Variants in TBX15 observed in about 807,000 individuals in gnomAD.
TBX15 encodes T-box transcription factor TBX15.
TBX15 carries 18 observed loss-of-function variants against 53.9 expected under a neutral mutation model. The ratio of observed to expected loss-of-function variants is 0.33; its 90% CI spans 0.23 to 0.49. The LOEUF (loss-of-function observed/expected upper bound fraction) is 0.49. TBX15 is among the 20% of genes least tolerant of loss of function. TBX15 has a pLI of 0.98. For synonymous variants in TBX15, 295 were observed against 278.0 expected, an observed-to-expected ratio of 1.06 and a Z score of -0.61; for missense variants, 692 against 749.5, an observed-to-expected ratio of 0.92 and a Z score of 0.90.
intron 1 of TBX15, among the ~76,000 whole-genome samples, chr1:118,953,344 A>G (rs568292387): frequency 6.6e-6 from 1 of 152,330 alleles, no homozygotes; most frequent in South Asian, 2.1e-4. Flanking sequence ...TACAAATAAG[A>G]AGAGATTAAA....
intron 7 of TBX15, among the ~76,000 whole-genome samples, chr1:118,886,491 C>T (rs1653948422): frequency 6.6e-6 from 1 of 152,136 alleles, no homozygotes; most frequent in Admixed American, 6.5e-5. Flanking sequence ...GAGGACCTGG[C>T]AGCTTTTAAA....
intron 1 of TBX15, among the ~76,000 whole-genome samples, chr1:118,939,407 CAAAAAAAAAA>C (rs869094141): frequency 1.1e-4 from 1 of 8,874 alleles, no homozygotes; most frequent in Non-Finnish European, 2.1e-4. Flanking sequence ...GATCTAGTCT[CAAAAAAAAAA>C]AAAAAAAAAA....
rs114201430 is a variant in TBX15, at chr1:118,910,565, C to T, written c.926+3550G>A. ...TGTATCCTCATCTATCAATATTTCCCACCTGCAAGGTGGCATTAATAATTG... is the reference window on the plus strand; with the variant it reads ...TGTATCCTCATCTATCAATATTTCCTACCTGCAAGGTGGCATTAATAATTG... On this transcript the variant is annotated intron_variant, in intron 6 of 7. Transcript: ENST00000369429. 9.2e-3 allele frequency among the ~76,000 whole-genome samples: 1,397 copies of T among 152,250 alleles called. 23 individuals carry two copies. Among genetic ancestry groups the T allele is most frequent in the African/African-American group, 0.032 (1,317 of 41,528 alleles).
At chr1:118,900,292 A>G (rs563896446) in intron 6 of TBX15, among the ~76,000 whole-genome samples, 5 of 152,318 alleles carry the variant, frequency 3.3e-5, no homozygotes, top group African/African-American at 1.2e-4. Context: ...TTTTGAGATG[A>G]AACTTCTGCT....
At chr1:118,902,721 G>T (rs1198018354) in intron 6 of TBX15, among the ~76,000 whole-genome samples, 1 of 152,112 alleles carries the variant, frequency 6.6e-6, no homozygotes, top group Non-Finnish European at 1.5e-5. Flanking sequence ...CTGAGCTTCA[G>T]CAGAGTCTGA....
At chr1:118,897,256 G>T (rs1014721892) in intron 7 of TBX15, among the ~76,000 whole-genome samples, 4 of 152,154 alleles carry the variant, frequency 2.6e-5, no homozygotes, top group African/African-American at 4.8e-5. Flanking sequence ...GCTCCAAGAA[G>T]AAGTTTGAGA....
intron 5 of TBX15, among the ~76,000 whole-genome samples, chr1:118,918,896 T>C (rs778309903): frequency 3.3e-5 from 5 of 152,210 alleles, no homozygotes; most frequent in Admixed American, 6.5e-5. Flanking sequence ...TTATTAACAC[T>C]CTTCGTTATT....
chr1:118,970,522 TC>T (rs1381960866), intron 1 of TBX15, among the ~76,000 whole-genome samples: 3 of 152,178 alleles, frequency 2.0e-5, no homozygotes, highest in East Asian at 1.9e-4. Context: ...AACATCTCTT[TC>T]CAAGCAGCAG....
chr1:118,889,325 G>A (rs1654055320), intron 7 of TBX15, among the ~76,000 whole-genome samples: 1 of 152,152 alleles, frequency 6.6e-6, no homozygotes, highest in Non-Finnish European at 1.5e-5. Context: ...AAACAAGATT[G>A]GAATTTCCAG....
chr1:118,888,415 T>C (rs141736765), intron 7 of TBX15, among the ~76,000 whole-genome samples: 161 of 152,324 alleles, frequency 1.1e-3, no homozygotes, highest in Non-Finnish European at 1.6e-3. Context: ...CAGGAGAAGA[T>C]TCTAGAAGGA....
intron 7 of TBX15, among the ~76,000 whole-genome samples, chr1:118,895,238 C>T (rs904610202): frequency 6.6e-6 from 1 of 152,176 alleles, no homozygotes; most frequent in Non-Finnish European, 1.5e-5. Context: ...GTACTGAACT[C>T]GGTAGTGATG....
upstream of TBX15, among the ~76,000 whole-genome samples, chr1:118,988,797 C>T (rs1290750657): frequency 1.3e-5 from 2 of 152,214 alleles, no homozygotes; most frequent in Non-Finnish European, 1.5e-5. Flanking sequence ...TCCTGGATTT[C>T]GCCACACAGG....
At chr1:118,939,439 A>AAAAAAAAAAG (rs1656089663) in intron 1 of TBX15, among the ~76,000 whole-genome samples, 1 of 139,892 alleles carries the variant, frequency 7.1e-6, no homozygotes, top group Non-Finnish European at 1.5e-5. Flanking sequence ...AAAAAAAACA[A>AAAAAAAAAAG]AAACAGGAAC....
chr1:118,958,735 T>C (rs1044446522), intron 1 of TBX15, among the ~76,000 whole-genome samples: 1 of 152,074 alleles, frequency 6.6e-6, no homozygotes, highest in African/African-American at 2.4e-5. Context: ...ATTTCACCAA[T>C]GTCTTATCTT....
intron 1 of TBX15, among the ~76,000 whole-genome samples, chr1:118,983,051 G>A (rs750667971): frequency 2.0e-5 from 3 of 152,250 alleles, no homozygotes; most frequent in African/African-American, 7.2e-5. Flanking sequence ...CTGAGGTGCA[G>A]AGGTGGACGC....
chr1:118,909,877 T>A (rs1766786), intron 6 of TBX15, among the ~76,000 whole-genome samples: 4 of 152,130 alleles, frequency 2.6e-5, no homozygotes, highest in East Asian at 1.9e-4. Context: ...CACCGCACCC[T>A]GCCAGATGTC....
chr1:118,915,718 T>C (rs917250583), intron 5 of TBX15, among the ~76,000 whole-genome samples: 1 of 152,212 alleles, frequency 6.6e-6, no homozygotes, highest in African/African-American at 2.4e-5. Flanking sequence ...TATTTTCTTT[T>C]CAAGTTGGAG....
At chr1:118,977,411 A>T (rs1657470691) in intron 1 of TBX15, among the ~76,000 whole-genome samples, 1 of 152,084 alleles carries the variant, frequency 6.6e-6, no homozygotes, top group Non-Finnish European at 1.5e-5. Flanking sequence ...TTATTTATTA[A>T]GTGCTTCCTA....
At chr1:118,925,906 A>T (rs1285463682) in intron 3 of TBX15, among the ~76,000 whole-genome samples, 4 of 93,244 alleles carry the variant, frequency 4.3e-5, no homozygotes, top group Non-Finnish European at 9.4e-5. Context: ...AATAAGCCAC[A>T]ACTTTTTTTT....
Sources: allele counts gnomAD v4.1 joint callset (sites outside exome capture counted in the v4.1 genomes callset), GRCh38; gene constraint gnomAD v4.1.1; transcripts MANE v1.5; gene names NCBI Gene and HGNC (gene_info 2026-07-23, HGNC 2026-07-21).